Variants in BCL2 observed in about 807,000 individuals in gnomAD.
The protein encoded by BCL2 is BCL2 apoptosis regulator, also known as apoptosis regulator Bcl-2.
A neutral mutation model predicts 14.2 loss-of-function variants in BCL2; 1 was observed. That is an observed-to-expected ratio of 0.07 (90% CI 0.02 to 0.33). The LOEUF is 0.33. BCL2 is among the 10% of genes least tolerant of loss of function. BCL2 has a pLI of 0.99. For missense variants in BCL2, 247 were observed against 305.9 expected (o/e 0.81, Z 1.44); for synonymous variants, 151 against 137.2 (o/e 1.10, Z -0.70).
intron 2 of BCL2, among the ~76,000 whole-genome samples, chr18:63,304,981 G>A (rs1473187300): frequency 2.6e-5 from 4 of 152,186 alleles, no homozygotes; most frequent in Non-Finnish European, 4.4e-5. Flanking sequence ...GTTGAAAGGG[G>A]CTGTTTTACA....
At chr18:63,285,505 G>A (rs967944044) in intron 2 of BCL2, among the ~76,000 whole-genome samples, 3 of 152,184 alleles carry the variant, frequency 2.0e-5, no homozygotes, top group African/African-American at 7.2e-5. Flanking sequence ...GCTGCAAACT[G>A]CACCCTCCCC....
chr18:63,288,445 T>G (rs1335098222), intron 2 of BCL2, among the ~76,000 whole-genome samples: 1 of 152,268 alleles, frequency 6.6e-6, no homozygotes, highest in Non-Finnish European at 1.5e-5. Flanking sequence ...TTCTTACTGA[T>G]GCTAGGCTAT....
intron 2 of BCL2, among the ~76,000 whole-genome samples, chr18:63,312,409 A>G (rs1198759212): frequency 1.3e-5 from 2 of 152,246 alleles, no homozygotes; most frequent in African/African-American, 4.8e-5. Context: ...TGGAGGGCAG[A>G]GAAATAGTGC....
chr18:63,214,005 A>G (rs1177715693), intron 2 of BCL2, among the ~76,000 whole-genome samples: 1 of 152,216 alleles, frequency 6.6e-6, no homozygotes, highest in Non-Finnish European at 1.5e-5. Context: ...CAGAGCTAAG[A>G]TGGGCTGATG....
intron 2 of BCL2, among the ~76,000 whole-genome samples, chr18:63,198,792 GACAC>G (rs1181420559): frequency 1.1e-5 from 1 of 94,396 alleles, no homozygotes; most frequent in Non-Finnish European, 2.1e-5. Context: ...CAGAGACACA[GACAC>G]ACACTGACAC....
chr18:63,289,372 G>A lies in BCL2; in HGVS notation c.585+28710C>T, dbSNP rs137865202. ...TCATCCTGAAGGTGAGATCAGATCT[G>A]GGCCTTAAGGGATGGAGAATTCTGA... is the stretch of plus-strand genomic sequence containing the variant. On this transcript the variant is annotated intron_variant, in intron 2 of 2. Coordinates refer to ENST00000333681, the MANE Select transcript of BCL2 (RefSeq NM_000633.3). Among the ~76,000 whole-genome samples the A allele has an allele frequency of 3.9e-3, 600 of 152,280 alleles. 1 individual carries two copies. Among genetic ancestry groups the A allele is most frequent in the Non-Finnish European group, 5.8e-3 (395 of 68,016 alleles).
At chr18:63,223,373 C>T (rs1910457011) in intron 2 of BCL2, among the ~76,000 whole-genome samples, 1 of 149,214 alleles carries the variant, frequency 6.7e-6, no homozygotes, top group South Asian at 2.1e-4. Context: ...GCACTCCAGC[C>T]TGGGCGACAG....
chr18:63,263,519 G>C (rs1054474216), intron 2 of BCL2, among the ~76,000 whole-genome samples: 8 of 152,190 alleles, frequency 5.3e-5, no homozygotes, highest in South Asian at 2.1e-4. Flanking sequence ...CTGTATTACA[G>C]AACAAAAACC....
intron 2 of BCL2, among the ~76,000 whole-genome samples, chr18:63,246,735 G>A (rs185201403): frequency 9.2e-5 from 14 of 152,134 alleles, no homozygotes; most frequent in South Asian, 6.2e-4. Context: ...CTTATTTTTC[G>A]GTTTTACTTA....
intron 2 of BCL2, among the ~76,000 whole-genome samples, chr18:63,152,677 C>G (rs996838196): frequency 6.6e-6 from 1 of 152,158 alleles, no homozygotes; most frequent in Admixed American, 6.5e-5. Context: ...TCCCAGGAGG[C>G]AAAACAATAG....
chr18:63,167,511 G>A (rs1028802932), intron 2 of BCL2, among the ~76,000 whole-genome samples: 2 of 152,198 alleles, frequency 1.3e-5, no homozygotes, highest in African/African-American at 4.8e-5. Flanking sequence ...CAGGTGTGAT[G>A]GCTCATGACT....
At chr18:63,154,333 C>T (rs535952139) in intron 2 of BCL2, among the ~76,000 whole-genome samples, 47 of 152,184 alleles carry the variant, frequency 3.1e-4, no homozygotes, top group Admixed American at 3.9e-4. Flanking sequence ...AGCTCCCAAC[C>T]GATCTTCCCT....
intron 2 of BCL2, among the ~76,000 whole-genome samples, chr18:63,292,744 G>A (rs1321941790): frequency 6.6e-6 from 1 of 152,236 alleles, no homozygotes; most frequent in Non-Finnish European, 1.5e-5. Flanking sequence ...AGTGAAATAA[G>A]TATGGGGGTA....
chr18:63,274,431 C>T (rs1454752347), intron 2 of BCL2, among the ~76,000 whole-genome samples: 1 of 151,622 alleles, frequency 6.6e-6, no homozygotes, highest in African/African-American at 2.4e-5. Context: ...ATTACAGGTG[C>T]CCGCTACCAT....
In BCL2 at chr18:63,282,832, A is replaced by T. The variant is rs35689542; in HGVS notation, c.585+35250T>A. ...AGCACAAGTTGAATGTGCAGGGTCCATGTAAGCTAAATTTATTATCCCATT... is the reference window on the plus strand; with the variant it reads ...AGCACAAGTTGAATGTGCAGGGTCCTTGTAAGCTAAATTTATTATCCCATT... On this transcript the variant is annotated intron_variant, in intron 2 of 2. Transcript: ENST00000333681. Among the ~76,000 whole-genome samples the T allele has an allele frequency of 6.8e-3, 1,041 of 152,330 alleles. 7 individuals carry two copies. The highest frequency in any genetic ancestry group is 9.0e-3 in the Non-Finnish European group (609 of 68,026).
intron 2 of BCL2, among the ~76,000 whole-genome samples, chr18:63,130,102 T>C (rs1914025919): frequency 6.6e-6 from 1 of 152,260 alleles, no homozygotes; most frequent in Non-Finnish European, 1.5e-5. Flanking sequence ...CAATTGCTCA[T>C]TTCCTAGATT....
In BCL2 at chr18:63,195,282, C is replaced by G. The variant is rs1436202295; in HGVS notation, c.586-66523G>C. On this transcript the variant is annotated intron_variant, in intron 2 of 2. Transcript: ENST00000333681. Reference sequence around the variant, plus strand: ...TTATCAATACAGGCCGCTTTCATCTCTATCTCCTCACTTCAGAAGTCCCAT... The same window carrying G: ...TTATCAATACAGGCCGCTTTCATCTGTATCTCCTCACTTCAGAAGTCCCAT... 3.3e-5 allele frequency among the ~76,000 whole-genome samples: 5 copies of G among 152,338 alleles called. No individual in the cohort carries two copies. The East Asian group carries it at 9.6e-4, about 29-fold the overall frequency.
intron 2 of BCL2, among the ~76,000 whole-genome samples, chr18:63,141,069 C>T (rs1322844442): frequency 1.3e-5 from 2 of 151,890 alleles, no homozygotes; most frequent in Non-Finnish European, 2.9e-5. Context: ...GAGCAGCAAT[C>T]GGGGCACTCC....
At chr18:63,254,995 T>C (rs944407318) in intron 2 of BCL2, among the ~76,000 whole-genome samples, 2 of 152,214 alleles carry the variant, frequency 1.3e-5, no homozygotes, top group Non-Finnish European at 2.9e-5. Context: ...ATCTGGTCCT[T>C]GGATTGCAGA....
Sources: gnomAD v4.1 joint callset for allele counts (sites outside exome capture counted in the v4.1 genomes callset) on GRCh38, gnomAD v4.1.1 for gene constraint, MANE v1.5 for transcripts, NCBI Gene and HGNC (gene_info 2026-07-23, HGNC 2026-07-21) for gene names.